ERLIN1: variants seen among roughly 807,000 people sequenced by gnomAD.
ERLIN1 encodes erlin-1.
ERLIN1 carries 24 observed loss-of-function variants against 46.9 expected under a neutral mutation model. The observed-to-expected ratio is 0.51, with a 90% CI of 0.37 to 0.72. ERLIN1 has a LOEUF of 0.72. ERLIN1 is among the 30% of genes least tolerant of loss of function. The pLI, the probability that ERLIN1 is intolerant of heterozygous loss-of-function variation, is 0.00. For synonymous variants in ERLIN1, 158 were observed against 143.2 expected, an observed-to-expected ratio of 1.10 and a Z score of -0.74; for missense variants, 293 against 417.9, an observed-to-expected ratio of 0.70 and a Z score of 2.61.
chr10:100,177,265 CA>C (rs1419162261), intron 4 of ERLIN1, among the ~76,000 whole-genome samples: 1 of 152,000 alleles, frequency 6.6e-6, no homozygotes, highest in African/African-American at 2.4e-5. Flanking sequence ...TTCCCTTTTT[CA>C]ATCATAATCC....
Position 100,152,123 on chromosome 10 carries a change from C to T in ERLIN1, c.*8G>A. ...ATCTTGATATGGAGAACATTTCCAC[C>T]TCTTGCATCAACCTGTGCTCTCTTT... On this transcript the variant is annotated 3_prime_UTR_variant, in exon 11 of 11. Transcript: ENST00000421367. The T allele has an allele frequency of 6.3e-7, 1 of 1,581,478 alleles. No homozygotes were observed. The highest frequency in any genetic ancestry group is 8.7e-7 in the Non-Finnish European group (1 of 1,150,224).
intron 6 of ERLIN1, among the ~76,000 whole-genome samples, chr10:100,173,689 A>G (rs1844133734): frequency 6.6e-6 from 1 of 152,106 alleles, no homozygotes. Flanking sequence ...TTCTTCCCCC[A>G]TTTAAATCCA....
At chr10:100,164,943 C>T (rs1158127182) in intron 7 of ERLIN1, among the ~76,000 whole-genome samples, 1 of 151,912 alleles carries the variant, frequency 6.6e-6, no homozygotes, top group Non-Finnish European at 1.5e-5. Context: ...GGGTCCCATC[C>T]CTGAGATATC....
chr10:100,155,298 C>G (rs539079828), intron 9 of ERLIN1, among the ~76,000 whole-genome samples: 8 of 152,154 alleles, frequency 5.3e-5, no homozygotes, highest in Admixed American at 1.3e-4. Flanking sequence ...TCCAGCCCCC[C>G]CCCAAATTTC....
Position 100,156,253 on chromosome 10 carries a change from AG to A in ERLIN1, c.656-20del. On this transcript the variant is annotated intron_variant, in intron 8 of 10. Transcript: ENST00000421367. ...TCTGCTTCTATAATCATACAACATA[AG>A]AAGACACATTCAAAACCATTTCTAC... is the stretch of plus-strand genomic sequence containing the variant. 6.5e-7 allele frequency: 1 copy of A among 1,549,978 alleles called. No individual in the cohort carries two copies. The highest frequency in any genetic ancestry group is 1.4e-5 in the African/African-American group (1 of 73,926).
In ERLIN1 at chr10:100,152,175, G is replaced by C. The variant is rs1344729030; in HGVS notation, c.1003C>G (p.Pro335Ala). 1 of 1,613,538 alleles carries C rather than the reference G, an allele frequency of 6.2e-7. No homozygotes were observed. Among genetic ancestry groups the C allele is most frequent in the Non-Finnish European group, 8.5e-7 (1 of 1,179,454 alleles). The change falls in exon 11 of 11, where the codon CCC becomes GCC. Residue 335 changes from proline to alanine, a missense_variant. Physicochemically the swap from Pro to Ala is conservative, Grantham distance 27 (BLOSUM62 -1). Coordinates refer to ENST00000421367, the MANE Select transcript of ERLIN1 (RefSeq NM_006459.4). ...SSLPSKEALE[P>A]SGENVIQNKE... is the part of the protein sequence containing the mutation. ...TTTTGGATGACGTTCTCTCCAGAGG[G>C]TTCAAGAGCCTCCTTAGAGGGGAGT...
intron 2 of ERLIN1, among the ~76,000 whole-genome samples, chr10:100,181,578 G>C (rs577578867): frequency 1.4e-5 from 2 of 145,828 alleles, no homozygotes; most frequent in East Asian, 4.0e-4. Flanking sequence ...GCAAGGGTAC[G>C]ATCTCGGCTC....
rs139874088 is a variant in ERLIN1, at chr10:100,176,934, C to T, written c.305-864G>A. ...GTCAGGAGTTCAAGACCAGCCTGGCCAACATGGTGAAACACTGTCTCTACT... is the reference window on the plus strand; with the variant it reads ...GTCAGGAGTTCAAGACCAGCCTGGCTAACATGGTGAAACACTGTCTCTACT... On this transcript the variant is annotated intron_variant, in intron 4 of 10. Transcript: ENST00000421367. Among the ~76,000 whole-genome samples the T allele has an allele frequency of 2.9e-3, 434 of 152,172 alleles. 2 individuals are homozygous for T. The highest frequency in any genetic ancestry group is 9.6e-3 in the African/African-American group (399 of 41,508).
intron 6 of ERLIN1, among the ~76,000 whole-genome samples, chr10:100,171,536 G>T (rs1843997842): frequency 6.6e-6 from 1 of 152,058 alleles, no homozygotes; most frequent in African/African-American, 2.4e-5. Context: ...CTCCCAAGTA[G>T]CTGGGACTAC....
At chr10:100,155,837 A>C (rs1210964596) in intron 9 of ERLIN1, among the ~76,000 whole-genome samples, 1 of 152,144 alleles carries the variant, frequency 6.6e-6, no homozygotes, top group African/African-American at 2.4e-5. Flanking sequence ...ATTATCTTGT[A>C]TATTCTTTAC....
At chr10:100,172,766 C>T (rs12263576) in intron 6 of ERLIN1, among the ~76,000 whole-genome samples, 4,091 of 152,190 alleles carry the variant, frequency 0.027, 76 homozygotes, top group Middle Eastern at 0.054. Context: ...TTTGTACATA[C>T]AAGAACATGT....
Position 100,174,146 on chromosome 10 carries a change from A to T in ERLIN1, c.504+62T>A. 3 of 1,009,532 alleles carry T rather than the reference A, an allele frequency of 3.0e-6. No homozygotes were observed. The South Asian group carries it at 4.2e-5, about 14-fold the overall frequency. The allele number at this position is 1,009,532 out of a possible 1,614,324, so 62.5% of individuals were successfully genotyped here. ...ATTGCTGAATAAAACAATCCAATGA[A>T]AGGAGGAACAAACTCAAAGCTCTCA... On this transcript the variant is annotated intron_variant, in intron 6 of 10. Transcript: ENST00000421367.
chr10:100,150,900 A>G lies in ERLIN1; in HGVS notation c.*1231T>C, dbSNP rs1321185117. ...TTGTTTCTCATGGAAAATTAAATTCACTGGCTGCCCAGGACGTCAGTGGAA... is the reference window on the plus strand; with the variant it reads ...TTGTTTCTCATGGAAAATTAAATTCGCTGGCTGCCCAGGACGTCAGTGGAA... On this transcript the variant is annotated 3_prime_UTR_variant, in exon 11 of 11. Transcript: ENST00000421367. 5.9e-5 allele frequency: 9 copies of G among 152,200 alleles called. No individual in the cohort carries two copies. The highest frequency in any genetic ancestry group is 5.9e-4 in the Admixed American group (9 of 15,282). 9.4% of individuals were successfully genotyped at this position (152,200 alleles called of 1,614,324 possible).
chr10:100,155,301 C>G (rs555184030), intron 9 of ERLIN1, among the ~76,000 whole-genome samples: 1 of 152,078 alleles, frequency 6.6e-6, no homozygotes, highest in African/African-American at 2.4e-5. Flanking sequence ...AGCCCCCCCC[C>G]AAATTTCATC....
At chr10:100,182,763 G>A (rs1371195826) in intron 2 of ERLIN1, among the ~76,000 whole-genome samples, 2 of 152,218 alleles carry the variant, frequency 1.3e-5, no homozygotes, top group African/African-American at 2.4e-5. Flanking sequence ...AATCTGGGAT[G>A]AGCCTTTAAA....
At chr10:100,158,714 G>A (rs2134112596) in intron 8 of ERLIN1, among the ~76,000 whole-genome samples, 1 of 152,314 alleles carries the variant, frequency 6.6e-6, no homozygotes. Flanking sequence ...TGTAAGACTG[G>A]AGGACAGTGA....
intron 2 of ERLIN1, among the ~76,000 whole-genome samples, chr10:100,183,009 C>A (rs571889402): frequency 6.6e-6 from 1 of 152,320 alleles, no homozygotes; most frequent in East Asian, 1.9e-4. Context: ...TAAACTCTCA[C>A]TTAGCAGGAA....
chr10:100,167,288 G>C (rs981831954), intron 7 of ERLIN1, 60 bp downstream of exon 7: 2 of 1,214,518 alleles, frequency 1.6e-6, no homozygotes, highest in East Asian at 2.3e-5. Flanking sequence ...CTCTAGACTG[G>C]AATATTAATA....
At position 100,178,172 on chromosome 10, in the gene ERLIN1, C is replaced by G; in HGVS notation, c.265G>C (p.Asp89His). The G allele has an allele frequency of 2.5e-6, 4 of 1,575,914 alleles. No homozygotes were observed. Among genetic ancestry groups the G allele is most frequent in the Non-Finnish European group, 2.6e-6 (3 of 1,159,074 alleles). The change falls in exon 4 of 11, where the codon GAC becomes CAC. Residue 89 changes from aspartate (D) to histidine (H), a missense_variant. Coordinates refer to ENST00000421367, the MANE Select transcript of ERLIN1 (RefSeq NM_006459.4). ...GTSGGVMIYI[D>H]RIEVVNMLAP... Reference sequence around the variant, plus strand: ...AACATATTAACCACTTCTATTCGGTCAATATAGATCATGACCCCACCACTA... The same window carrying G: ...AACATATTAACCACTTCTATTCGGTGAATATAGATCATGACCCCACCACTA...
Sources: gnomAD v4.1 joint callset for allele counts (sites outside exome capture counted in the v4.1 genomes callset) on GRCh38, gnomAD v4.1.1 for gene constraint, MANE v1.5 for transcripts, NCBI Gene and HGNC (gene_info 2026-07-23, HGNC 2026-07-21) for gene names.